EXOC6B: variants seen among roughly 807,000 people sequenced by gnomAD.
EXOC6B encodes SEC15 homolog B.
Under a neutral mutation model 113.5 loss-of-function variants are expected in EXOC6B, and 54 were observed. That is an observed-to-expected ratio of 0.48 (90% CI 0.38 to 0.60). EXOC6B has a LOEUF of 0.60. EXOC6B is among the 20% of genes least tolerant of loss of function. The pLI is 0.00. For synonymous variants in EXOC6B, 357 were observed against 339.0 expected (o/e 1.05, Z -0.58); for missense variants, 797 against 977.5 (o/e 0.82, Z 2.46).
At chr2:72,618,815 G>T (rs1465161777) in intron 6 of EXOC6B, among the ~76,000 whole-genome samples, 1 of 152,134 alleles carries the variant, frequency 6.6e-6, no homozygotes, top group East Asian at 1.9e-4. Context: ...TTCAACCAGG[G>T]TAATTCTGGA....
chr2:72,223,633 A>G (rs1446657716), intron 20 of EXOC6B, among the ~76,000 whole-genome samples: 4 of 152,214 alleles, frequency 2.6e-5, no homozygotes, highest in African/African-American at 7.2e-5. Context: ...CTGATTTACT[A>G]TTAAATACAT....
intron 20 of EXOC6B, among the ~76,000 whole-genome samples, chr2:72,248,201 A>C (rs183960142): frequency 6.6e-6 from 1 of 152,350 alleles, no homozygotes; most frequent in East Asian, 1.9e-4. Flanking sequence ...TTCATTATTA[A>C]AATTCCATGT....
intron 1 of EXOC6B, among the ~76,000 whole-genome samples, chr2:72,754,796 T>G (rs769745526): frequency 6.6e-6 from 1 of 151,634 alleles, no homozygotes. Context: ...TAAAATTTTT[T>G]TTTGCAGAGA....
At chr2:72,773,115 A>ATTTTTTTTTTTTT (rs1683493598) in intron 1 of EXOC6B, among the ~76,000 whole-genome samples, 4 of 118,248 alleles carry the variant, frequency 3.4e-5, no homozygotes, top group African/African-American at 1.5e-4. Flanking sequence ...TAGACCTTAG[A>ATTTTTTTTTTTTT]TTTTCTTTTT....
At chr2:72,345,064 G>A (rs145729494) in intron 19 of EXOC6B, among the ~76,000 whole-genome samples, 17 of 152,156 alleles carry the variant, frequency 1.1e-4, no homozygotes, top group African/African-American at 1.9e-4. Context: ...GGGAACACAC[G>A]CACAATTGCC....
chr2:72,178,328 A>C lies in EXOC6B; in HGVS notation c.*1007T>G, dbSNP rs1270319560. 1 of 152,258 alleles carries C rather than the reference A, an allele frequency of 6.6e-6. No individual in the cohort carries two copies. Among genetic ancestry groups the C allele is most frequent in the African/African-American group, 2.4e-5 (1 of 41,466 alleles). 9.4% of individuals were successfully genotyped at this position (152,258 alleles called of 1,614,324 possible). ...GATGATAACCAAAAAGCTGGTTTTA[A>C]AACATAAAGGAACAATCCCAACTAA... On this transcript the variant is annotated 3_prime_UTR_variant, in exon 22 of 22. Transcript: ENST00000272427.
chr2:72,668,021 A>G (rs923751021), intron 6 of EXOC6B, among the ~76,000 whole-genome samples: 6 of 152,166 alleles, frequency 3.9e-5, no homozygotes, highest in African/African-American at 1.4e-4. Context: ...TCAACAACCA[A>G]AAAACCAATA....
chr2:72,398,880 T>A (rs1351170534), intron 18 of EXOC6B, among the ~76,000 whole-genome samples: 1 of 151,646 alleles, frequency 6.6e-6, no homozygotes, highest in East Asian at 1.9e-4. Context: ...CTCTTTGGTA[T>A]CTAGAGTATA....
chr2:72,298,581 C>T (rs568946565), intron 20 of EXOC6B, among the ~76,000 whole-genome samples: 2 of 152,092 alleles, frequency 1.3e-5, no homozygotes, highest in Non-Finnish European at 2.9e-5. Context: ...TTCACAGTGT[C>T]GATGGTCTTT....
chr2:72,287,438 A>AAAAAAT (rs1286443743), intron 20 of EXOC6B, among the ~76,000 whole-genome samples: 29 of 150,296 alleles, frequency 1.9e-4, no homozygotes, highest in East Asian at 7.8e-4. Flanking sequence ...CTCAAAAAAA[A>AAAAAAT]AAAAATAAAA....
intron 6 of EXOC6B, among the ~76,000 whole-genome samples, chr2:72,583,933 G>C (rs369154226): frequency 1.3e-5 from 2 of 152,186 alleles, no homozygotes; most frequent in East Asian, 1.9e-4. Context: ...TGTTGGCCAG[G>C]CTGGACTCAA....
chr2:72,665,721 T>C (rs1290284623), intron 6 of EXOC6B, among the ~76,000 whole-genome samples: 1 of 152,108 alleles, frequency 6.6e-6, no homozygotes, highest in African/African-American at 2.4e-5. Flanking sequence ...AATGAAAGAA[T>C]TATACTGACT....
intron 16 of EXOC6B, among the ~76,000 whole-genome samples, chr2:72,487,529 T>G (rs1398373703): frequency 6.6e-6 from 1 of 151,912 alleles, no homozygotes; most frequent in Non-Finnish European, 1.5e-5. Flanking sequence ...CCCAGCTAAT[T>G]TTTATATTTT....
chr2:72,713,574 C>A (rs2104699314), intron 6 of EXOC6B, among the ~76,000 whole-genome samples: 1 of 151,872 alleles, frequency 6.6e-6, no homozygotes, highest in East Asian at 1.9e-4. Context: ...TAAAGCTATC[C>A]CTCCCCCGTC....
chr2:72,680,062 C>A (rs983362814), intron 6 of EXOC6B, among the ~76,000 whole-genome samples: 1 of 152,028 alleles, frequency 6.6e-6, no homozygotes, highest in East Asian at 1.9e-4. Flanking sequence ...ATAATGAATT[C>A]TAAAGTTGTT....
At chr2:72,696,549 A>G (rs1677898217) in intron 6 of EXOC6B, among the ~76,000 whole-genome samples, 1 of 152,210 alleles carries the variant, frequency 6.6e-6, no homozygotes. Context: ...TGTTTTGGCT[A>G]ATACAATGTA....
At chr2:72,509,672 C>T (rs1349810998) in intron 11 of EXOC6B, among the ~76,000 whole-genome samples, 1 of 151,448 alleles carries the variant, frequency 6.6e-6, no homozygotes, top group African/African-American at 2.4e-5. Flanking sequence ...ATATTAACAG[C>T]TAATGTCCAT....
chr2:72,251,816 C>T (rs1423730598), intron 20 of EXOC6B, among the ~76,000 whole-genome samples: 2 of 152,184 alleles, frequency 1.3e-5, no homozygotes, highest in Non-Finnish European at 2.9e-5. Context: ...TAAGCCTTTT[C>T]ATTTAATGTT....
At chr2:72,327,717 T>C (rs1043647322) in intron 20 of EXOC6B, among the ~76,000 whole-genome samples, 1 of 152,112 alleles carries the variant, frequency 6.6e-6, no homozygotes, top group Non-Finnish European at 1.5e-5. Flanking sequence ...CCAAACGCAC[T>C]TCCTCCCCAG....
Sources: gnomAD v4.1 joint callset for allele counts (sites outside exome capture counted in the v4.1 genomes callset) on GRCh38, gnomAD v4.1.1 for gene constraint, MANE v1.5 for transcripts, NCBI Gene and HGNC (gene_info 2026-07-23, HGNC 2026-07-21) for gene names.